CNTNAP2: variants seen among roughly 807,000 people sequenced by gnomAD.
CNTNAP2 encodes contactin-associated protein-like 2.
A neutral mutation model predicts 155.2 loss-of-function variants in CNTNAP2; 98 were observed. The ratio of observed to expected loss-of-function variants is 0.63; its 90% CI spans 0.54 to 0.75. CNTNAP2 has a LOEUF of 0.75. CNTNAP2 is among the 30% of genes least tolerant of loss of function. The probability of loss-of-function intolerance (pLI) is 0.00; values close to 1 mark genes in which losing one functional copy is unlikely to be tolerated. For missense variants in CNTNAP2, 1,727 were observed against 1,688.1 expected, an observed-to-expected ratio of 1.02 and a Z score of -0.40; for synonymous variants, 651 against 631.2, an observed-to-expected ratio of 1.03 and a Z score of -0.47.
At chr7:147,442,303 G>A (rs1348805870) in intron 10 of CNTNAP2, among the ~76,000 whole-genome samples, 2 of 152,216 alleles carry the variant, frequency 1.3e-5, no homozygotes, top group Non-Finnish European at 2.9e-5. Context: ...CAGGTCCTCA[G>A]TGAATACTTC....
intron 2 of CNTNAP2, among the ~76,000 whole-genome samples, chr7:146,776,236 A>C (rs1802387740): frequency 6.6e-6 from 1 of 152,214 alleles, no homozygotes; most frequent in African/African-American, 2.4e-5. Flanking sequence ...CCCTAAAAGA[A>C]GTGCCATAAT....
intron 15 of CNTNAP2, among the ~76,000 whole-genome samples, chr7:148,093,826 G>A (rs1460333129): frequency 1.3e-5 from 2 of 152,068 alleles, no homozygotes; most frequent in African/African-American, 4.8e-5. Flanking sequence ...CCAGGCTGGG[G>A]TGCAGTGGTA....
chr7:148,154,814 G>A (rs1805368471), intron 17 of CNTNAP2, among the ~76,000 whole-genome samples: 1 of 152,048 alleles, frequency 6.6e-6, no homozygotes, highest in South Asian at 2.1e-4. Flanking sequence ...GTGGGTGCCT[G>A]TAATCCCAGC....
chr7:147,065,232 AATTATT>A (rs1799755284), intron 4 of CNTNAP2, among the ~76,000 whole-genome samples: 1 of 152,104 alleles, frequency 6.6e-6, no homozygotes, highest in African/African-American at 2.4e-5. Flanking sequence ...TAATATTGTT[AATTATT>A]AATTGAAAAG....
At chr7:147,996,545 GT>G (rs1435239656) in intron 15 of CNTNAP2, among the ~76,000 whole-genome samples, 3 of 152,162 alleles carry the variant, frequency 2.0e-5, no homozygotes, top group Non-Finnish European at 1.5e-5. Context: ...TTCCTCATCT[GT>G]AAAATAGAAA....
intron 1 of CNTNAP2, among the ~76,000 whole-genome samples, chr7:146,395,826 G>GGAGAGAGA (rs35033097): frequency 1.7e-5 from 2 of 116,768 alleles, no homozygotes; most frequent in African/African-American, 3.0e-5. Flanking sequence ...GATAGATAGA[G>GGAGAGAGA]GAGAGAGAGA....
intron 3 of CNTNAP2, among the ~76,000 whole-genome samples, chr7:146,982,445 A>G (rs1437325425): frequency 6.6e-6 from 1 of 152,182 alleles, no homozygotes; most frequent in African/African-American, 2.4e-5. Context: ...GGTCAGTTCA[A>G]CAGAGGAGAC....
intron 21 of CNTNAP2, among the ~76,000 whole-genome samples, chr7:148,299,644 G>T (rs539364647): frequency 6.6e-6 from 1 of 152,286 alleles, no homozygotes; most frequent in East Asian, 1.9e-4. Flanking sequence ...TCATTCCACT[G>T]GCCTAATAAT....
Position 147,652,980 on chromosome 7 carries a change from C to T in CNTNAP2, c.2098+13674C>T, listed in dbSNP as rs186962625. Among the ~76,000 whole-genome samples the T allele has an allele frequency of 5.0e-3, 755 of 152,084 alleles. 8 individuals are homozygous for T. The highest frequency in any genetic ancestry group is 0.016 in the African/African-American group (682 of 41,492). On this transcript the variant is annotated intron_variant, in intron 13 of 23. Transcript: ENST00000361727. ...CTACCTTTTTATGTTTTTTCAATATCCACTATTGGCCCTGACAAGTATATT... is the reference window on the plus strand; with the variant it reads ...CTACCTTTTTATGTTTTTTCAATATTCACTATTGGCCCTGACAAGTATATT...
intron 21 of CNTNAP2, among the ~76,000 whole-genome samples, chr7:148,356,662 T>C (rs543119044): frequency 6.6e-6 from 1 of 152,156 alleles, no homozygotes; most frequent in East Asian, 1.9e-4. Context: ...CATTTCCTTC[T>C]ATTTGCCAAA....
intron 12 of CNTNAP2, among the ~76,000 whole-genome samples, chr7:147,630,162 A>G (rs1396020521): frequency 2.0e-5 from 3 of 151,972 alleles, no homozygotes; most frequent in Non-Finnish European, 4.4e-5. Context: ...CAGAAATACA[A>G]AAGATCATTC....
intron 1 of CNTNAP2, among the ~76,000 whole-genome samples, chr7:146,383,857 G>A (rs1311315198): frequency 6.6e-6 from 1 of 152,156 alleles, no homozygotes; most frequent in Non-Finnish European, 1.5e-5. Context: ...ATCATATCTA[G>A]AGTCAGTATC....
At chr7:147,787,229 G>A (rs985918426) in intron 13 of CNTNAP2, among the ~76,000 whole-genome samples, 3 of 152,174 alleles carry the variant, frequency 2.0e-5, no homozygotes, top group African/African-American at 7.2e-5. Context: ...GCAGATGGCT[G>A]GAGAATGCAT....
intron 21 of CNTNAP2, among the ~76,000 whole-genome samples, chr7:148,382,435 C>T (rs1469758546): frequency 2.0e-5 from 3 of 152,216 alleles, no homozygotes; most frequent in African/African-American, 4.8e-5. Context: ...ATAGGGAAAC[C>T]TGCCCTCCTC....
chr7:147,133,819 G>C (rs1801425905), intron 8 of CNTNAP2, among the ~76,000 whole-genome samples: 1 of 151,996 alleles, frequency 6.6e-6, no homozygotes. Flanking sequence ...GAAATCAAAG[G>C]TATTGGGAAA....
intron 3 of CNTNAP2, among the ~76,000 whole-genome samples, chr7:146,970,186 C>T (rs955983270): frequency 2.0e-5 from 3 of 152,098 alleles, no homozygotes; most frequent in Non-Finnish European, 4.4e-5. Flanking sequence ...AAAGCAATGG[C>T]AACAAAAGAC....
At chr7:146,843,760 A>G (rs1025553747) in intron 3 of CNTNAP2, among the ~76,000 whole-genome samples, 5 of 152,082 alleles carry the variant, frequency 3.3e-5, no homozygotes, top group African/African-American at 1.2e-4. Flanking sequence ...TTGGGGATTA[A>G]GTTTATTAAA....
intron 8 of CNTNAP2, among the ~76,000 whole-genome samples, chr7:147,168,901 T>A (rs1802173715): frequency 6.6e-6 from 1 of 152,142 alleles, no homozygotes; most frequent in African/African-American, 2.4e-5. Flanking sequence ...TTCTGTATCA[T>A]ATATGACATA....
chr7:146,653,954 A>G (rs1799956188), intron 1 of CNTNAP2, among the ~76,000 whole-genome samples: 1 of 152,036 alleles, frequency 6.6e-6, no homozygotes, highest in South Asian at 2.1e-4. Flanking sequence ...CCCTCTTGTA[A>G]GTTTGTTGCT....
Sources: gnomAD v4.1 joint callset for allele counts (sites outside exome capture counted in the v4.1 genomes callset) on GRCh38, gnomAD v4.1.1 for gene constraint, MANE v1.5 for transcripts, NCBI Gene and HGNC (gene_info 2026-07-23, HGNC 2026-07-21) for gene names.